Variants in SYNE1 observed in about 807,000 individuals in gnomAD.
The protein encoded by SYNE1 is nesprin-1.
In SYNE1, 616 loss-of-function variants were observed where a neutral mutation model predicts 1,111.0. The observed-to-expected ratio is 0.55, with a 90% CI of 0.52 to 0.59. The LOEUF (loss-of-function observed/expected upper bound fraction) is 0.59. Ranked by LOEUF, SYNE1 falls within the 20% of genes least tolerant of loss-of-function variation. The pLI, the probability that SYNE1 is intolerant of heterozygous loss-of-function variation, is 0.00. For missense variants in SYNE1, 10,006 were observed against 10,417.0 expected, an observed-to-expected ratio of 0.96 and a Z score of 1.72; for synonymous variants, 3,855 against 3,825.8, an observed-to-expected ratio of 1.01 and a Z score of -0.28.
chr6:152,180,248 G>C lies in SYNE1; in HGVS notation c.23348C>G (p.Ala7783Gly). Reference protein sequence around the residue: ...QQIGERLNEWAVFSEKNKELC... With the variant: ...QQIGERLNEWGVFSEKNKELC... ...TTCCTTGTTCTTTTCACTGAAGACT[G>C]CCCATTCATTCAATCTTTCACCTAT... The change falls in exon 129 of 146, where the codon GCA (alanine) becomes GGA (glycine). Residue 7783 changes from alanine to glycine, a missense_variant. Transcript: ENST00000367255. 6.2e-7 allele frequency: 1 copy of C among 1,614,080 alleles called. No homozygotes were observed. The highest frequency in any genetic ancestry group is 1.1e-5 in the South Asian group (1 of 91,076).
chr6:152,577,192 C>A (rs2099500092), intron 3 of SYNE1, among the ~76,000 whole-genome samples: 1 of 152,098 alleles, frequency 6.6e-6, no homozygotes, highest in Admixed American at 6.5e-5. Flanking sequence ...ATAATTAATG[C>A]AGGGCTTTAA....
Position 152,484,842 on chromosome 6 carries a change from G to T in SYNE1, c.1178C>A (p.Thr393Asn). ...ALVKQSWDRV[T>N]SRLFDWHIQL... ...AATTGTGGGAGAACTTACCCTGGAG[G>T]TCACTCTATCCCAAGATTGTTTTAC... Residue 393 changes from threonine to asparagine, a missense_variant, in exon 13 of 146, where the codon ACC becomes AAC. This residue lies in a region of SYNE1 where 1,971 missense variants were observed against 2,084.1 expected (regional missense o/e 0.95). Coordinates refer to ENST00000367255, the MANE Select transcript of SYNE1 (RefSeq NM_182961.4). The T allele has an allele frequency of 6.2e-7, 1 of 1,613,842 alleles. No homozygotes were observed. Among genetic ancestry groups the T allele is most frequent in the African/African-American group, 1.3e-5 (1 of 75,018 alleles).
intron 112 of SYNE1, among the ~76,000 whole-genome samples, chr6:152,232,526 A>G (rs1414486959): frequency 6.6e-6 from 1 of 152,246 alleles, no homozygotes; most frequent in Non-Finnish European, 1.5e-5. Context: ...AAAGCACCAG[A>G]AAGAAGAGAA....
At chr6:152,618,103 T>A (rs2695245) in intron 3 of SYNE1, among the ~76,000 whole-genome samples, 108,866 of 152,100 alleles carry the variant, frequency 0.72, 39,055 homozygotes, top group East Asian at 0.81. Flanking sequence ...TGAAAGATCT[T>A]TCTTATTACA....
At position 152,401,046 on chromosome 6, in the gene SYNE1, G is replaced by C. The variant is rs890472689; in HGVS notation, c.7029+92C>G. ...GTCTGGTGTTCATATGGGTAACTGA[G>C]AGCAGAGGTTATATTTTTTATTATA... is the stretch of plus-strand genomic sequence containing the variant. On this transcript the variant is annotated intron_variant, in intron 47 of 145. Transcript: ENST00000367255. 7 of 1,299,228 alleles carry C rather than the reference G, an allele frequency of 5.4e-6. No individual in the cohort carries two copies. In the African/African-American group the frequency reaches 8.8e-5, roughly 16 times the overall value. 80.5% of individuals were successfully genotyped at this position (1,299,228 alleles called of 1,614,324 possible).
At chr6:152,350,873 G>C in intron 70 of SYNE1, 103 bp from the exon 71 acceptor site, 1 of 1,386,618 alleles carries the variant, frequency 7.2e-7, no homozygotes, top group Non-Finnish European at 1.0e-6. Flanking sequence ...CTCAAAGAAA[G>C]ATTGTTCATA....
chr6:152,370,714 A>G (rs1440674664), intron 59 of SYNE1, among the ~76,000 whole-genome samples: 1 of 152,202 alleles, frequency 6.6e-6, no homozygotes, highest in Non-Finnish European at 1.5e-5. Flanking sequence ...TGTAAAAACA[A>G]CCAGTACTTT....
chr6:152,353,631 G>T lies in SYNE1; in HGVS notation c.11040C>A (p.Thr3680=). ...GGGCCTGGTATCTGGAAGTCAGCTG[G>T]GTGGCCTGGCAACCCATTCTGCTGT... ...HVNSRMGCQA[T]QLTSRYQALL... The change falls in exon 68 of 146, where the codon ACC becomes ACA. Residue 3680 remains threonine, a synonymous_variant. Transcript: ENST00000367255. 6.2e-7 allele frequency: 1 copy of T among 1,614,164 alleles called. No homozygotes were observed.
At chr6:152,219,492 A>AG (rs1250187612) in intron 119 of SYNE1, among the ~76,000 whole-genome samples, 3 of 115,638 alleles carry the variant, frequency 2.6e-5, no homozygotes, top group Non-Finnish European at 1.8e-5. Flanking sequence ...TACATAAACA[A>AG]GAAAAAAAAA....
At chr6:152,368,579 G>A (rs1040091023) in intron 61 of SYNE1, 51 of 189,060 alleles carry the variant, frequency 2.7e-4, no homozygotes, top group Non-Finnish European at 4.1e-4. Flanking sequence ...TTTTTCTAAA[G>A]TAATTTAATC....
At chr6:152,307,553 T>G (rs1408346806) in intron 91 of SYNE1, among the ~76,000 whole-genome samples, 1 of 152,120 alleles carries the variant, frequency 6.6e-6, no homozygotes, top group Non-Finnish European at 1.5e-5. Flanking sequence ...AGAGTGAATT[T>G]GACCTATATG....
chr6:152,394,021 C>T (rs542304461), intron 51 of SYNE1, among the ~76,000 whole-genome samples: 18 of 152,132 alleles, frequency 1.2e-4, no homozygotes, highest in Non-Finnish European at 2.4e-4. Flanking sequence ...GTTCCCCTCC[C>T]TGTGTCCATG....
chr6:152,292,615 T>C (rs1236625677), intron 95 of SYNE1, among the ~76,000 whole-genome samples: 1 of 152,230 alleles, frequency 6.6e-6, no homozygotes, highest in Non-Finnish European at 1.5e-5. Flanking sequence ...ATTCCAAGGT[T>C]ATCCTGCTTC....
chr6:152,435,857 A>G lies in SYNE1; in HGVS notation c.4310+84T>C, dbSNP rs2098469549. On this transcript the variant is annotated intron_variant, in intron 33 of 145. Transcript: ENST00000367255. ...TACACAGACACTTTGAGATTTTAAA[A>G]GAGTGTTTTGAATACAAGGTACAGG... The G allele has an allele frequency of 2.6e-6, 4 of 1,512,984 alleles. No homozygotes were observed. The South Asian group carries it at 4.6e-5, about 17-fold the overall frequency. 93.7% of individuals were successfully genotyped at this position (1,512,984 alleles called of 1,614,324 possible). A position where few individuals can be genotyped will look rare whatever the true frequency, so the allele number is the denominator to read the frequency against.
chr6:152,233,360 C>T (rs1439347707), intron 112 of SYNE1, among the ~76,000 whole-genome samples: 1 of 151,618 alleles, frequency 6.6e-6, no homozygotes, highest in Non-Finnish European at 1.5e-5. Flanking sequence ...GAGACAGTCT[C>T]ACTGTCACCC....
At chr6:152,425,332 A>C in intron 39 of SYNE1, 49 bp downstream of exon 39, 1 of 1,586,852 alleles carries the variant, frequency 6.3e-7, no homozygotes, top group Non-Finnish European at 8.6e-7. Context: ...TATGCTCATC[A>C]TTTAAAAACA....
chr6:152,471,707 A>G lies in SYNE1; in HGVS notation c.1522T>C (p.Leu508=). The change falls in exon 16 of 146, where the codon TTA becomes CTA. Residue 508 remains leucine, a synonymous_variant. Transcript: ENST00000367255. ...LHLMKMEFLE[L]KYRLLSLLVL... is the part of the protein sequence containing the mutation. Reference sequence around the variant, plus strand: ...AGCAGTGAGAGCAGACGGTACTTTAATTCTAAAAATTCCATTTTCATTAGG... The same window carrying G: ...AGCAGTGAGAGCAGACGGTACTTTAGTTCTAAAAATTCCATTTTCATTAGG... 1.2e-6 allele frequency: 2 copies of G among 1,614,020 alleles called. No individual in the cohort carries two copies. Among genetic ancestry groups the G allele is most frequent in the Non-Finnish European group, 1.7e-6 (2 of 1,179,906 alleles).
rs57019816 is a variant in SYNE1 at position 152,162,841 on chromosome 6, G to A, written c.23790+1322C>T. ...ATGAAAATATGCATTGAAGCACCAC[G>A]TTGTACCCCACACATATGTACAATT... On this transcript the variant is annotated intron_variant, in intron 131 of 145. Transcript: ENST00000367255. 7.2e-5 allele frequency among the ~76,000 whole-genome samples: 11 copies of A among 151,866 alleles called. No individual in the cohort carries two copies. The East Asian group carries it at 1.4e-3, about 19-fold the overall frequency.
intron 120 of SYNE1, 69 bp downstream of exon 120, chr6:152,218,934 T>C: frequency 6.6e-7 from 1 of 1,504,944 alleles, no homozygotes; most frequent in Admixed American, 1.7e-5. Context: ...AGGAATTCTT[T>C]TTCTGTGTTT....
Sources: gnomAD v4.1 joint callset for allele counts (sites outside exome capture counted in the v4.1 genomes callset) on GRCh38, gnomAD v4.1.1 for gene constraint, gnomAD v4.1.1 regional missense constraint, MANE v1.5 for transcripts, NCBI Gene and HGNC (gene_info 2026-07-23, HGNC 2026-07-21) for gene names.